The following PPFIBP1 variants were observed in gnomAD, a reference collection of about 807,000 sequenced individuals.
The protein encoded by PPFIBP1 is PPFIB scaffold protein 1, also known as liprin-beta-1.
PPFIBP1 carries 112 observed loss-of-function variants against 137.8 expected under a neutral mutation model. That is an observed-to-expected ratio of 0.81 (90% CI 0.70 to 0.95). The LOEUF (loss-of-function observed/expected upper bound fraction) is 0.95. Ranked by LOEUF, PPFIBP1 falls within the 40% of genes least tolerant of loss-of-function variation. The pLI, the probability that PPFIBP1 is intolerant of heterozygous loss-of-function variation, is 0.00. For synonymous variants in PPFIBP1, 378 were observed against 417.3 expected (o/e 0.91, Z 1.15); for missense variants, 1,083 against 1,196.6 (o/e 0.91, Z 1.40).
At chr12:27,600,311 C>G (rs1395950346) in intron 2 of PPFIBP1, among the ~76,000 whole-genome samples, 1 of 151,976 alleles carries the variant, frequency 6.6e-6, no homozygotes, top group Non-Finnish European at 1.5e-5. Context: ...TGGTACACGC[C>G]TGTAGTCCCA....
At chr12:27,641,365 C>CA (rs1161485372) in intron 4 of PPFIBP1, among the ~76,000 whole-genome samples, 2 of 152,106 alleles carry the variant, frequency 1.3e-5, no homozygotes, top group African/African-American at 4.8e-5. Flanking sequence ...ACAGGAAAGA[C>CA]AACTGTAGAC....
intron 10 of PPFIBP1, among the ~76,000 whole-genome samples, chr12:27,660,493 C>T (rs1475377232): frequency 6.6e-6 from 1 of 152,156 alleles, no homozygotes; most frequent in Non-Finnish European, 1.5e-5. Context: ...ATTTTCTCTG[C>T]TTTTGTCATT....
chr12:27,650,243 G>T (rs921419110), intron 7 of PPFIBP1, 102 bp downstream of exon 7: 2 of 1,041,946 alleles, frequency 1.9e-6, no homozygotes, highest in African/African-American at 1.6e-5. Context: ...TTCCCTGGAG[G>T]TGTGCAAGGA....
intron 1 of PPFIBP1, among the ~76,000 whole-genome samples, chr12:27,563,982 C>T (rs1280735396): frequency 2.6e-5 from 4 of 151,900 alleles, no homozygotes; most frequent in African/African-American, 9.7e-5. Flanking sequence ...AAGCGATTCT[C>T]CTGCCTTAGC....
At chr12:27,611,704 A>T (rs930357828) in intron 2 of PPFIBP1, among the ~76,000 whole-genome samples, 2 of 152,136 alleles carry the variant, frequency 1.3e-5, no homozygotes, top group African/African-American at 4.8e-5. Context: ...ACCAGTTTCC[A>T]TAAAGTAGTT....
chr12:27,610,968 A>T (rs2055042807), intron 2 of PPFIBP1, among the ~76,000 whole-genome samples: 2 of 152,072 alleles, frequency 1.3e-5, no homozygotes, highest in Non-Finnish European at 2.9e-5. Context: ...AAAAACAACC[A>T]CACGTGCACA....
chr12:27,624,728 G>A (rs1170665225), intron 2 of PPFIBP1, among the ~76,000 whole-genome samples: 2 of 152,300 alleles, frequency 1.3e-5, no homozygotes, highest in South Asian at 4.1e-4. Flanking sequence ...GTGAGTGGCT[G>A]TTCCATTTCC....
Position 27,693,264 on chromosome 12 carries a change from T to G in PPFIBP1, c.*382T>G, listed in dbSNP as rs2061653083. ...TCAGTGTTCACTGTAGCCACCTAAG[T>G]AGGACATTATATGATTTCAGAATCA... On this transcript the variant is annotated 3_prime_UTR_variant, in exon 30 of 30. Transcript: ENST00000228425. The G allele has an allele frequency of 6.1e-6, 1 of 164,200 alleles. No homozygotes were observed. The highest frequency in any genetic ancestry group is 2.4e-5 in the African/African-American group (1 of 41,624). The allele number at this position is 164,200 out of a possible 1,614,324, so 10.2% of individuals were successfully genotyped here.
At chr12:27,590,799 G>A (rs761594552) in intron 2 of PPFIBP1, among the ~76,000 whole-genome samples, 12 of 152,144 alleles carry the variant, frequency 7.9e-5, no homozygotes, top group Non-Finnish European at 1.3e-4. Flanking sequence ...AACTTGATGA[G>A]TATAGATTTT....
chr12:27,590,437 A>G (rs2052359739), intron 2 of PPFIBP1, among the ~76,000 whole-genome samples: 2 of 152,160 alleles, frequency 1.3e-5, no homozygotes, highest in South Asian at 4.1e-4. Context: ...CGGCCTCCCA[A>G]AGTGCTGAGA....
intron 2 of PPFIBP1, among the ~76,000 whole-genome samples, chr12:27,595,840 G>A (rs1408449876): frequency 1.5e-5 from 2 of 135,126 alleles, no homozygotes; most frequent in African/African-American, 5.7e-5. Context: ...GGCAACAACA[G>A]CGACACTCTG....
In PPFIBP1 at chr12:27,687,374, C is replaced by A; in HGVS notation, c.2248-11C>A. The A allele has an allele frequency of 1.2e-6, 2 of 1,612,456 alleles. No individual in the cohort carries two copies. The highest frequency in any genetic ancestry group is 2.2e-5 in the South Asian group (2 of 90,908). On this transcript the variant is annotated splice_polypyrimidine_tract_variant and intron_variant, in intron 24 of 29. Coordinates refer to ENST00000228425, the MANE Select transcript of PPFIBP1 (RefSeq NM_003622.4). ...AGCACAGTGAGCTCCTCCTTTTGTT[C>A]TTTTTTGCAGGATGACTTACTGTCT...
chr12:27,530,391 C>T (rs565031982), intron 1 of PPFIBP1, among the ~76,000 whole-genome samples: 17 of 152,240 alleles, frequency 1.1e-4, no homozygotes, highest in African/African-American at 3.6e-4. Context: ...ACCTGAATCT[C>T]GGTGTTTTTC....
chr12:27,555,882 AT>A (rs1433899491), intron 1 of PPFIBP1, among the ~76,000 whole-genome samples: 1 of 152,212 alleles, frequency 6.6e-6, no homozygotes, highest in Non-Finnish European at 1.5e-5. Context: ...GAGCCTTATG[AT>A]TGAAAGAGAC....
At chr12:27,649,875 T>C (rs2058769950) in intron 6 of PPFIBP1, 135 bp from the exon 7 acceptor site, 1 of 818,018 alleles carries the variant, frequency 1.2e-6, no homozygotes, top group East Asian at 3.1e-5. Context: ...TTTTTAAAAG[T>C]GTGTAGATTC....
intron 27 of PPFIBP1, among the ~76,000 whole-genome samples, chr12:27,691,500 A>G (rs2061541172): frequency 6.6e-6 from 1 of 152,224 alleles, no homozygotes; most frequent in Non-Finnish European, 1.5e-5. Flanking sequence ...AATAAGAAGA[A>G]TAAGGTTAAT....
At chr12:27,622,020 T>C (rs1173080654) in intron 2 of PPFIBP1, among the ~76,000 whole-genome samples, 2 of 152,198 alleles carry the variant, frequency 1.3e-5, no homozygotes, top group East Asian at 3.8e-4. Flanking sequence ...CAACCAGAAA[T>C]GGTTTTTGTG....
chr12:27,630,020 G>A (rs1487032148), intron 2 of PPFIBP1, among the ~76,000 whole-genome samples: 2 of 152,016 alleles, frequency 1.3e-5, no homozygotes, highest in Non-Finnish European at 2.9e-5. Context: ...GCATTTGTGT[G>A]TTTTGTTCTA....
At chr12:27,629,143 C>T (rs912304537) in intron 2 of PPFIBP1, among the ~76,000 whole-genome samples, 7 of 152,144 alleles carry the variant, frequency 4.6e-5, no homozygotes, top group African/African-American at 7.2e-5. Context: ...AGAAGCTAAA[C>T]GGTATTATTA....
Sources: allele counts gnomAD v4.1 joint callset (sites outside exome capture counted in the v4.1 genomes callset), GRCh38; gene constraint gnomAD v4.1.1; transcripts MANE v1.5; gene names NCBI Gene and HGNC (gene_info 2026-07-23, HGNC 2026-07-21).